The following ZNF521 variants were observed in gnomAD, a reference collection of about 807,000 sequenced individuals.
The protein encoded by ZNF521 is LYST-interacting protein 3.
ZNF521 carries 14 observed loss-of-function variants against 105.5 expected under a neutral mutation model. The observed-to-expected ratio is 0.13, with a 90% CI of 0.09 to 0.21. The LOEUF is 0.21. Among genes scored for constraint, ZNF521 ranks in the 10% least tolerant of loss-of-function variants. ZNF521 has a pLI of 1.00. For synonymous variants in ZNF521, 635 were observed against 606.0 expected (o/e 1.05, Z -0.70); for missense variants, 1,233 against 1,629.7 (o/e 0.76, Z 4.19).
At chr18:25,074,052 ACATGTGTGCG>A (rs1567949504) in intron 7 of ZNF521, among the ~76,000 whole-genome samples, 9 of 139,084 alleles carry the variant, frequency 6.5e-5, no homozygotes, top group South Asian at 2.4e-4. Flanking sequence ...GTGTCTGTGC[ACATGTGTGCG>A]CACGCGTGTG....
At chr18:25,184,169 T>C (rs2035680424) in intron 5 of ZNF521, among the ~76,000 whole-genome samples, 1 of 152,178 alleles carries the variant, frequency 6.6e-6, no homozygotes, top group Non-Finnish European at 1.5e-5. Context: ...CATTTGCACC[T>C]ACTCATAATT....
chr18:25,210,409 A>G (rs2036158564), intron 4 of ZNF521, among the ~76,000 whole-genome samples: 3 of 152,132 alleles, frequency 2.0e-5, no homozygotes, highest in South Asian at 4.1e-4. Flanking sequence ...CAATCTCCCT[A>G]TAACAAAAAA....
At chr18:25,183,139 C>T (rs1260773677) in intron 5 of ZNF521, among the ~76,000 whole-genome samples, 1 of 152,066 alleles carries the variant, frequency 6.6e-6, no homozygotes, top group East Asian at 1.9e-4. Context: ...CTCCAGCATA[C>T]CCAAATTAAA....
chr18:25,335,953 G>A (rs1346225349), intron 2 of ZNF521, among the ~76,000 whole-genome samples: 1 of 152,180 alleles, frequency 6.6e-6, no homozygotes, highest in African/African-American at 2.4e-5. Flanking sequence ...AAGAGAGAAA[G>A]ACTTGAGATT....
intron 3 of ZNF521, among the ~76,000 whole-genome samples, chr18:25,245,702 C>T (rs984964519): frequency 1.3e-5 from 2 of 152,102 alleles, no homozygotes; most frequent in Non-Finnish European, 1.5e-5. Context: ...TTAAAATGTA[C>T]ATATTACATT....
At chr18:25,186,283 G>A (rs551656533) in intron 5 of ZNF521, among the ~76,000 whole-genome samples, 59 of 152,290 alleles carry the variant, frequency 3.9e-4, no homozygotes, top group South Asian at 2.7e-3. Context: ...TAATAACTAC[G>A]AAGGTGCAGA....
At chr18:25,110,445 A>AAAAAAAAAAAAAAAAG (rs1004158349) in intron 5 of ZNF521, among the ~76,000 whole-genome samples, 1 of 152,144 alleles carries the variant, frequency 6.6e-6, no homozygotes, top group African/African-American at 2.4e-5. Flanking sequence ...AGGAGACCAA[A>AAAAAAAAAAAAAAAAG]AAAGAAAGAA....
chr18:25,212,952 G>C (rs1191714923), intron 4 of ZNF521, among the ~76,000 whole-genome samples: 2 of 151,308 alleles, frequency 1.3e-5, no homozygotes, highest in East Asian at 3.9e-4. Flanking sequence ...GATTCTTTGG[G>C]TGTCGTTTTA....
At chr18:25,220,925 G>A (rs1334288809) in intron 4 of ZNF521, among the ~76,000 whole-genome samples, 1 of 152,194 alleles carries the variant, frequency 6.6e-6, no homozygotes, top group Non-Finnish European at 1.5e-5. Context: ...TATAGTAAAT[G>A]TCAATAACTG....
rs1243915774 is a variant in ZNF521 at position 25,134,684 on chromosome 18, G to A, written c.3659-42603C>T. Among the ~76,000 whole-genome samples, 4 of 152,214 alleles carry A rather than the reference G, an allele frequency of 2.6e-5. No individual in the cohort carries two copies. In the South Asian group the frequency reaches 6.2e-4, roughly 24 times the overall value. ...CTCCATCCCAATCTGGACTAAGACTGACATCTCTGAGATAAAAGGCTCCAT... is the reference window on the plus strand; with the variant it reads ...CTCCATCCCAATCTGGACTAAGACTAACATCTCTGAGATAAAAGGCTCCAT... On this transcript the variant is annotated intron_variant, in intron 5 of 7. Coordinates refer to ENST00000361524, the MANE Select transcript of ZNF521 (RefSeq NM_015461.3).
intron 2 of ZNF521, among the ~76,000 whole-genome samples, chr18:25,350,084 A>G (rs528923665): frequency 6.6e-6 from 1 of 151,882 alleles, no homozygotes; most frequent in African/African-American, 2.4e-5. Context: ...CCACATTCCA[A>G]CACAGCCATC....
At chr18:25,317,971 C>G (rs1912731546) in intron 3 of ZNF521, among the ~76,000 whole-genome samples, 1 of 152,018 alleles carries the variant, frequency 6.6e-6, no homozygotes, top group Admixed American at 6.5e-5. Context: ...AATTCTATTC[C>G]TAACGAGAGA....
At chr18:25,149,416 T>C (rs377556459) in intron 5 of ZNF521, among the ~76,000 whole-genome samples, 212 of 152,294 alleles carry the variant, frequency 1.4e-3, no homozygotes, top group African/African-American at 4.8e-3. Flanking sequence ...ATATATAAGG[T>C]TGATATTCTT....
Position 25,062,614 on chromosome 18 carries a change from G to T in ZNF521, c.*98C>A. On this transcript the variant is annotated 3_prime_UTR_variant, in exon 8 of 8. Transcript: ENST00000361524. ...TTTTATGGTACAATACAATGTTTCT[G>T]AATAATATACATTAACAATGAAAGT... 1 of 1,432,242 alleles carries T rather than the reference G, an allele frequency of 7.0e-7. No homozygotes were observed. The highest frequency in any genetic ancestry group is 1.2e-5 in the South Asian group (1 of 81,102). 88.7% of individuals were successfully genotyped at this position (1,432,242 alleles called of 1,614,324 possible).
intron 4 of ZNF521, among the ~76,000 whole-genome samples, chr18:25,205,141 TAAAAAAAAA>T (rs34563599): frequency 1.1e-3 from 84 of 74,912 alleles, no homozygotes; most frequent in East Asian, 4.1e-3. Flanking sequence ...GTAGTGAAGG[TAAAAAAAAA>T]AAAAAAAAAA....
At chr18:25,096,966 C>T (rs1166768632) in intron 5 of ZNF521, among the ~76,000 whole-genome samples, 1 of 152,104 alleles carries the variant, frequency 6.6e-6, no homozygotes, top group Non-Finnish European at 1.5e-5. Context: ...ATGTGTGTTA[C>T]CACTGTATCC....
intron 5 of ZNF521, among the ~76,000 whole-genome samples, chr18:25,152,067 G>A (rs754086421): frequency 1.2e-4 from 18 of 152,258 alleles, no homozygotes; most frequent in Admixed American, 2.6e-4. Flanking sequence ...CCAAAAGACC[G>A]TTTTTATGAA....
intron 4 of ZNF521, chr18:25,201,026 C>A (rs975509775): frequency 2.0e-5 from 3 of 151,144 alleles, no homozygotes; most frequent in Non-Finnish European, 4.4e-5. Context: ...TGGTTGAAAG[C>A]CCATTTGTAG....
At chr18:25,081,660 G>C (rs774067142) in intron 7 of ZNF521, among the ~76,000 whole-genome samples, 5 of 152,166 alleles carry the variant, frequency 3.3e-5, no homozygotes, top group Non-Finnish European at 5.9e-5. Context: ...TACTCATTTA[G>C]TCCAAATGAG....
Sources: gnomAD v4.1 joint callset for allele counts (sites outside exome capture counted in the v4.1 genomes callset) on GRCh38, gnomAD v4.1.1 for gene constraint, MANE v1.5 for transcripts, NCBI Gene and HGNC (gene_info 2026-07-23, HGNC 2026-07-21) for gene names.